Variants in DUSP6 observed in about 807,000 individuals in gnomAD.
DUSP6 encodes the protein dual specificity protein phosphatase 6.
Under a neutral mutation model 28.0 loss-of-function variants are expected in DUSP6, and 6 were observed. The observed-to-expected ratio is 0.21, with a 90% confidence interval of 0.12 to 0.42. The LOEUF is 0.42. DUSP6 is among the 10% of genes least tolerant of loss of function. The pLI, the probability that DUSP6 is intolerant of heterozygous loss-of-function variation, is 1.00. For synonymous variants in DUSP6, 252 were observed against 217.5 expected (o/e 1.16, Z -1.40); for missense variants, 451 against 498.1 (o/e 0.91, Z 0.90).
rs552570679 is a variant in DUSP6, at chr12:89,348,892, A to G, written c.*362T>C. 1 of 186,138 alleles carries G rather than the reference A, an allele frequency of 5.4e-6. No homozygotes were observed. The highest frequency in any genetic ancestry group is 1.5e-4 in the South Asian group (1 of 6,458). 11.5% of individuals were successfully genotyped at this position (186,138 alleles called of 1,614,324 possible). On this transcript the variant is annotated 3_prime_UTR_variant, in exon 3 of 3. Transcript: ENST00000279488. ...AAGACAATTATATAGTCAGTTCCAG[A>G]TGCAAAAGGAAACAGCCTTACAAGG...
In DUSP6 at chr12:89,350,678, C is replaced by T; in HGVS notation, c.748G>A (p.Ala250Thr). 6.2e-7 allele frequency: 1 copy of T among 1,614,144 alleles called. No individual in the cohort carries two copies. The highest frequency in any genetic ancestry group is 8.5e-7 in the Non-Finnish European group (1 of 1,180,028). The change falls in exon 2 of 3, where the codon GCA becomes ACA. Residue 250 changes from alanine (A) to threonine (T), a missense_variant. Physicochemically the swap from Ala to Thr is moderately conservative, Grantham distance 58 (BLOSUM62 0). Transcript: ENST00000279488. The stretch of plus-strand genomic sequence containing the variant: ...ATTTGCTTGTATTTAAACTCTCCTG[C>T]GTTCTCAAAGAGATTCGGCAAATTG... Reference protein sequence around the residue: ...TPNLPNLFENAGEFKYKQIPI... With the variant: ...TPNLPNLFENTGEFKYKQIPI...
At chr12:89,351,197 G>C (rs1028546596) in intron 1 of DUSP6, 172 bp from the exon 2 acceptor site, 26 of 779,950 alleles carry the variant, frequency 3.3e-5, no homozygotes, top group African/African-American at 5.3e-5. Flanking sequence ...GGAATGGAAC[G>C]AACGGGCCCG....
At chr12:89,351,612 C>CCG (rs755252865) in intron 1 of DUSP6, 28 bp downstream of exon 1, 13 of 1,572,506 alleles carry the variant, frequency 8.3e-6, no homozygotes, top group Admixed American at 1.7e-5. Flanking sequence ...TAGCCCTGCC[C>CCG]CGCGCGCGGA....
At chr12:89,351,541 T>A in intron 1 of DUSP6, 99 bp downstream of exon 1, 1 of 1,437,224 alleles carries the variant, frequency 7.0e-7, no homozygotes, top group Non-Finnish European at 9.2e-7. Context: ...GCTCCGAAGC[T>A]CCAGCTGAGC....
At chr12:89,349,961 G>A (rs1268172659) in intron 2 of DUSP6, among the ~76,000 whole-genome samples, 2 of 152,312 alleles carry the variant, frequency 1.3e-5, no homozygotes, top group East Asian at 1.9e-4. Context: ...TTTTAAAAGA[G>A]AGAGGGAAGT....
rs1179411146 is a variant in DUSP6 at position 89,349,258 on chromosome 12, G to C, written c.1142C>G (p.Thr381Arg). 6.2e-7 allele frequency: 1 copy of C among 1,606,666 alleles called. No homozygotes were observed. The highest frequency in any genetic ancestry group is 1.3e-5 in the African/African-American group (1 of 74,762). The change falls in exon 3 of 3, where the codon ACG becomes AGG. Residue 381 changes from threonine (T) to arginine (R), a missense_variant. Thr to Arg is a moderately conservative substitution (Grantham distance 71, BLOSUM62 -1). Transcript: ENST00000279488. ...CAAGGAGGGGTGTGGGGTCTTTCAC[G>C]TAGATTGCAGAGAGTCCACCTGGTA... is the stretch of plus-strand genomic sequence containing the variant. ...NVYQVDSLQS[T>R]
chr12:89,347,876 T>A lies in DUSP6; in HGVS notation c.*1378A>T, dbSNP rs1172768292. The A allele has an allele frequency of 6.6e-6, 1 of 152,240 alleles. No individual in the cohort carries two copies. Among genetic ancestry groups the A allele is most frequent in the East Asian group, 1.9e-4 (1 of 5,200 alleles). 9.4% of individuals were successfully genotyped at this position (152,240 alleles called of 1,614,324 possible). On this transcript the variant is annotated 3_prime_UTR_variant, in exon 3 of 3. Coordinates refer to ENST00000279488, the MANE Select transcript of DUSP6 (RefSeq NM_001946.4). ...TATACACGGTACAGTCGGTCCATTC[T>A]AGGATGTCATCTTTATTCGTGGCAA...
chr12:89,351,472 G>T, intron 1 of DUSP6, 168 bp downstream of exon 1: 1 of 1,166,680 alleles, frequency 8.6e-7, no homozygotes, highest in Non-Finnish European at 1.2e-6. Flanking sequence ...TCTCTGGTGC[G>T]GAACGCGCGG....
rs1879171937 is a variant in DUSP6 at position 89,351,151 on chromosome 12, T to C, written c.401-126A>G. On this transcript the variant is annotated intron_variant, in intron 1 of 2. Transcript: ENST00000279488. The stretch of plus-strand genomic sequence containing the variant: ...TACGAACCCCCTACATACAGAACCA[T>C]CTATAAGAGAAACACACTTTAAATG... 1.6e-5 allele frequency: 16 copies of C among 1,020,406 alleles called. No homozygotes were observed. The South Asian group carries it at 2.3e-4, about 15-fold the overall frequency. 63.2% of individuals were successfully genotyped at this position (1,020,406 alleles called of 1,614,324 possible).
chr12:89,351,354 A>G (rs951363366), intron 1 of DUSP6: 2 of 589,120 alleles, frequency 3.4e-6, no homozygotes, highest in Non-Finnish European at 5.9e-6. Flanking sequence ...GAACGATAGA[A>G]AACAGGGTGA....
rs375201922 is a variant in DUSP6 at position 89,352,010 on chromosome 12, G to C, written c.30C>G (p.Phe10Leu). ...TCTTGCTGATCGCCATTTCCGACGC[G>C]AAGGGCACGGGTCTGAGCGTATCTA... MIDTLRPVPFASEMAISKTV... is the reference protein window; with the variant it reads MIDTLRPVPLASEMAISKTV... The change falls in exon 1 of 3, where the codon TTC (phenylalanine) becomes TTG (leucine). Residue 10 changes from phenylalanine to leucine, a missense_variant. By Grantham distance (22) the Phe-to-Leu change is conservative (BLOSUM62 0). Coordinates refer to ENST00000279488, the MANE Select transcript of DUSP6 (RefSeq NM_001946.4). 2.4e-5 allele frequency: 38 copies of C among 1,612,858 alleles called. No individual in the cohort carries two copies. Among genetic ancestry groups the C allele is most frequent in the Non-Finnish European group, 3.2e-5 (38 of 1,179,914 alleles).
chr12:89,350,706 G>C lies in DUSP6; in HGVS notation c.720C>G (p.Thr240=), dbSNP rs932009114. 1.2e-6 allele frequency: 2 copies of C among 1,614,010 alleles called. No homozygotes were observed. The highest frequency in any genetic ancestry group is 2.2e-5 in the South Asian group (2 of 91,090). ...TCTCAAAGAGATTCGGCAAATTGGGGGTGACGTTCAAGATGTACTTGATGC... is the reference window on the plus strand; with the variant it reads ...TCTCAAAGAGATTCGGCAAATTGGGCGTGACGTTCAAGATGTACTTGATGC... ...EFGIKYILNV[T]PNLPNLFENA... The change falls in exon 2 of 3, where the codon ACC becomes ACG. Residue 240 remains threonine (T), a synonymous_variant. Coordinates refer to ENST00000279488, the MANE Select transcript of DUSP6 (RefSeq NM_001946.4).
intron 2 of DUSP6, 55 bp downstream of exon 2, chr12:89,350,533 A>G (rs1169264833): frequency 6.5e-7 from 1 of 1,528,040 alleles, no homozygotes; most frequent in Non-Finnish European, 8.9e-7. Flanking sequence ...AACTCTATGA[A>G]TGGCTAGGAA....
intron 1 of DUSP6, 29 bp from the exon 2 acceptor site, chr12:89,351,054 A>C (rs1421320303): frequency 1.3e-6 from 2 of 1,544,646 alleles, no homozygotes; most frequent in South Asian, 1.2e-5. Context: ...CAATCATCTA[A>C]CCTGAGAAGC....
rs999928543 is a variant in DUSP6 at position 89,351,904 on chromosome 12, C to T, written c.136G>A (p.Glu46Lys). Residue 46 changes from glutamate (E) to lysine (K), a missense_variant, in exon 1 of 3, where the codon GAG (glutamate) becomes AAG (lysine). By Grantham distance (56) the Glu-to-Lys change is moderately conservative. Around this residue, in one of 2 missense-constraint regions of DUSP6, gnomAD observed 347 missense variants for 346.6 expected, o/e 1.00. Coordinates refer to ENST00000279488, the MANE Select transcript of DUSP6 (RefSeq NM_001946.4). ...LMDCRPQELY[E>K]SSHIESAINV... is the part of the protein sequence containing the mutation. The stretch of plus-strand genomic sequence containing the variant: ...ATGGCCGACTCGATGTGCGACGACT[C>T]GTATAGCTCCTGCGGCCGGCAGTCC... 5 of 1,612,748 alleles carry T rather than the reference C, an allele frequency of 3.1e-6. No homozygotes were observed. The Admixed American group carries it at 5.0e-5, about 16-fold the overall frequency.
In DUSP6 at chr12:89,350,583, C is replaced by A. The variant is rs367973418; in HGVS notation, c.838+5G>T. The A allele has an allele frequency of 2.9e-5, 46 of 1,611,008 alleles. No homozygotes were observed. The highest frequency in any genetic ancestry group is 3.3e-4 in the Middle Eastern group (2 of 6,074). On this transcript the variant is annotated splice_donor_5th_base_variant and intron_variant, in intron 2 of 2. Coordinates refer to ENST00000279488, the MANE Select transcript of DUSP6 (RefSeq NM_001946.4). Reference sequence around the variant, plus strand: ...GTCAGAGCGACGACTATTAATTAGTCTCACCTATGAAAGAAATGGCCTCAG... The same window carrying A: ...GTCAGAGCGACGACTATTAATTAGTATCACCTATGAAAGAAATGGCCTCAG...
Position 89,348,127 on chromosome 12 carries a change from T to A in DUSP6, c.*1127A>T, listed in dbSNP as rs10744. ...ACATTCTTATAATAAATTCCAGCTCTAAACTTTACACCACGAACATAATGG... is the reference window on the plus strand; with the variant it reads ...ACATTCTTATAATAAATTCCAGCTCAAAACTTTACACCACGAACATAATGG... On this transcript the variant is annotated 3_prime_UTR_variant, in exon 3 of 3. Coordinates refer to ENST00000279488, the MANE Select transcript of DUSP6 (RefSeq NM_001946.4). The A allele has an allele frequency of 0.27, 41,279 of 152,548 alleles. 7,070 individuals are homozygous for A. Among genetic ancestry groups the A allele is most frequent in the African/African-American group, 0.49 (20,160 of 41,454 alleles). The allele number at this position is 152,548 out of a possible 1,614,324, so 9.4% of individuals were successfully genotyped here. A position where few individuals can be genotyped will look rare whatever the true frequency, so the allele number is the denominator to read the frequency against.
In DUSP6 at chr12:89,351,842, C is replaced by G; in HGVS notation, c.198G>C (p.Leu66=). Residue 66 remains leucine, a synonymous_variant, in exon 1 of 3, where the codon CTG becomes CTC. Coordinates refer to ENST00000279488, the MANE Select transcript of DUSP6 (RefSeq NM_001946.4). ...VAIPGIMLRR[L]QKGNLPVRAL... is the part of the protein sequence containing the mutation. ...CGCGCACCGGCAGGTTACCCTTCTGCAGGCGCCGCAGCATGATGCCCGGGA... is the reference window on the plus strand; with the variant it reads ...CGCGCACCGGCAGGTTACCCTTCTGGAGGCGCCGCAGCATGATGCCCGGGA... 3 of 1,611,772 alleles carry G rather than the reference C, an allele frequency of 1.9e-6. No individual in the cohort carries two copies. In the South Asian group the frequency reaches 3.3e-5, roughly 18 times the overall value.
rs752316502 is a variant in DUSP6 at position 89,350,965 on chromosome 12, G to C, written c.461C>G (p.Ser154Trp). 5.6e-6 allele frequency: 9 copies of C among 1,612,562 alleles called. No homozygotes were observed. Among genetic ancestry groups the C allele is most frequent in the South Asian group, 5.5e-5 (5 of 91,004 alleles). Residue 154 changes from serine to tryptophan, a missense_variant, in exon 2 of 3, where the codon TCG becomes TGG. By Grantham distance (177) the Ser-to-Trp change is radical (BLOSUM62 -3). This residue lies in a region of DUSP6 where 347 missense variants were observed against 346.6 expected (regional missense o/e 1.00). Coordinates refer to ENST00000279488, the MANE Select transcript of DUSP6 (RefSeq NM_001946.4). ...SLHCETNLDGSCSSSSPPLPV... is the reference protein window; with the variant it reads ...SLHCETNLDGWCSSSSPPLPV... ...CAACGGCGGCGAGCTGCTGCTACAC[G>C]AGCCGTCTAGATTGGTCTCGCAATG...
Sources: allele counts gnomAD v4.1 joint callset (sites outside exome capture counted in the v4.1 genomes callset), GRCh38; gene constraint gnomAD v4.1.1; regional missense constraint gnomAD v4.1.1; transcripts MANE v1.5; gene names NCBI Gene and HGNC (gene_info 2026-07-23, HGNC 2026-07-21).